GALNT13: variants seen among roughly 807,000 people sequenced by gnomAD.
The protein encoded by GALNT13 is polypeptide N-acetylgalactosaminyltransferase 13.
In GALNT13, 28 loss-of-function variants were observed where a neutral mutation model predicts 64.2. The ratio of observed to expected loss-of-function variants is 0.44; its 90% confidence interval spans 0.32 to 0.60. The LOEUF (loss-of-function observed/expected upper bound fraction) is 0.60, where lower values mean the gene tolerates loss of function less well. Among genes scored for constraint, GALNT13 ranks in the 20% least tolerant of loss-of-function variants. The pLI, the probability that GALNT13 is intolerant of heterozygous loss-of-function variation, is 0.05. For missense variants in GALNT13, 577 were observed against 669.8 expected (o/e 0.86, Z 1.53); for synonymous variants, 214 against 224.6 (o/e 0.95, Z 0.42).
At chr2:153,886,664 G>A (rs1186659660) in intron 1 of GALNT13, among the ~76,000 whole-genome samples, 1 of 151,936 alleles carries the variant, frequency 6.6e-6, no homozygotes, top group Non-Finnish European at 1.5e-5. Flanking sequence ...TGTGATTACC[G>A]TCTCTCTTGG....
intron 3 of GALNT13, among the ~76,000 whole-genome samples, chr2:154,110,370 G>GAC (rs1558963256): frequency 9.6e-6 from 1 of 104,188 alleles, no homozygotes; most frequent in Non-Finnish European, 1.9e-5. Context: ...GAGAGAGAGA[G>GAC]AGAGAGACAG....
chr2:154,349,192 C>A (rs1314463734), intron 9 of GALNT13, among the ~76,000 whole-genome samples: 1 of 152,052 alleles, frequency 6.6e-6, no homozygotes, highest in Non-Finnish European at 1.5e-5. Context: ...AAAGCAAGAG[C>A]CTAAGGATCT....
the GALNT13 span, among the ~76,000 whole-genome samples, chr2:153,839,920 G>A: frequency 2.0e-5 from 3 of 151,948 alleles, no homozygotes; most frequent in Non-Finnish European, 4.4e-5. Flanking sequence ...AAAACTGACT[G>A]TTTATAGAGC....
intron 8 of GALNT13, among the ~76,000 whole-genome samples, chr2:154,272,885 T>C (rs1419830117): frequency 1.3e-5 from 2 of 152,144 alleles, no homozygotes; most frequent in Admixed American, 6.6e-5. Context: ...TTAAAGTAAA[T>C]AACTTGTAAA....
At chr2:153,726,062 TTAAAG>T in the GALNT13 span, among the ~76,000 whole-genome samples, 1 of 152,158 alleles carries the variant, frequency 6.6e-6, no homozygotes. Flanking sequence ...CAACATAATC[TTAAAG>T]TAGAGACTTC....
chr2:154,236,720 C>G (rs1689212329), intron 4 of GALNT13, among the ~76,000 whole-genome samples: 1 of 151,880 alleles, frequency 6.6e-6, no homozygotes, highest in African/African-American at 2.4e-5. Context: ...ACATTGTGCT[C>G]TACAATAATG....
chr2:153,798,095 T>C, the GALNT13 span, among the ~76,000 whole-genome samples: 1 of 152,322 alleles, frequency 6.6e-6, no homozygotes, highest in South Asian at 2.1e-4. Context: ...GCTGAAATTT[T>C]AGAAGCCCTG....
chr2:153,949,186 G>T (rs1691991334), intron 3 of GALNT13, among the ~76,000 whole-genome samples: 1 of 152,084 alleles, frequency 6.6e-6, no homozygotes, highest in African/African-American at 2.4e-5. Context: ...ATTTAGTCTT[G>T]TGTAAGTACA....
the GALNT13 span, among the ~76,000 whole-genome samples, chr2:153,228,751 T>C: frequency 6.6e-6 from 1 of 151,504 alleles, no homozygotes; most frequent in East Asian, 1.9e-4. Flanking sequence ...TGTGCACCTG[T>C]AGTCCTAGCT....
chr2:154,433,537 A>G (rs1486959231), intron 11 of GALNT13, among the ~76,000 whole-genome samples: 1 of 152,142 alleles, frequency 6.6e-6, no homozygotes, highest in African/African-American at 2.4e-5. Flanking sequence ...GGGTGAATTT[A>G]GGAGTGGGTA....
intron 8 of GALNT13, among the ~76,000 whole-genome samples, chr2:154,298,717 A>ACATTGTATATAC (rs1559076030): frequency 5.5e-5 from 6 of 109,390 alleles, no homozygotes; most frequent in African/African-American, 2.0e-4. Context: ...ATTTATATAT[A>ACATTGTATATAC]AATTATATTA....
the GALNT13 span, among the ~76,000 whole-genome samples, chr2:153,454,926 A>G: frequency 1.3e-5 from 2 of 152,344 alleles, no homozygotes; most frequent in Admixed American, 1.3e-4. Flanking sequence ...ATTGATATGT[A>G]TATATTTTTA....
At chr2:154,140,227 A>G in intron 3 of GALNT13, 110 bp from the exon 4 acceptor site, 1 of 741,728 alleles carries the variant, frequency 1.3e-6, no homozygotes, top group Non-Finnish European at 2.2e-6. Flanking sequence ...ATATTATAAA[A>G]CCTGTATGTA....
the GALNT13 span, among the ~76,000 whole-genome samples, chr2:153,107,600 T>C: frequency 1.3e-5 from 2 of 152,150 alleles, no homozygotes; most frequent in Non-Finnish European, 2.9e-5. Flanking sequence ...TTATTTTTCC[T>C]GGAGAGGAGT....
At chr2:153,378,792 G>C in the GALNT13 span, among the ~76,000 whole-genome samples, 5 of 152,062 alleles carry the variant, frequency 3.3e-5, no homozygotes, top group Non-Finnish European at 5.9e-5. Context: ...CCAGGCCTCT[G>C]GTTTGTGTAA....
intron 4 of GALNT13, among the ~76,000 whole-genome samples, chr2:154,143,581 G>A (rs1457796702): frequency 6.6e-6 from 1 of 150,624 alleles, no homozygotes; most frequent in Non-Finnish European, 1.5e-5. Context: ...TCTCTGCCAG[G>A]CACGGTGGCT....
intron 6 of GALNT13, among the ~76,000 whole-genome samples, chr2:154,244,016 G>T (rs1689639304): frequency 6.6e-6 from 1 of 152,062 alleles, no homozygotes; most frequent in Non-Finnish European, 1.5e-5. Flanking sequence ...TCTGTGTATT[G>T]TACAGTACCC....
At chr2:153,950,019 A>T (rs1692054934) in intron 3 of GALNT13, among the ~76,000 whole-genome samples, 2 of 151,322 alleles carry the variant, frequency 1.3e-5, no homozygotes, top group South Asian at 4.2e-4. Context: ...TTAGACATCT[A>T]TAAGACCTTG....
the GALNT13 span, among the ~76,000 whole-genome samples, chr2:153,615,813 G>A: frequency 6.6e-6 from 1 of 151,866 alleles, no homozygotes; most frequent in African/African-American, 2.4e-5. Context: ...AGTTGTTTGA[G>A]CTCCTTATAT....
Sources: allele counts gnomAD v4.1 joint callset (sites outside exome capture counted in the v4.1 genomes callset), GRCh38; gene constraint gnomAD v4.1.1; transcripts MANE v1.5; gene names NCBI Gene and HGNC (gene_info 2026-07-23, HGNC 2026-07-21).